The following KIAA0232 variants were observed in gnomAD, a reference collection of about 807,000 sequenced individuals.
The protein encoded by KIAA0232 is KIAA0232, also known as uncharacterized protein KIAA0232.
KIAA0232 carries 27 observed loss-of-function variants against 122.0 expected under a neutral mutation model. The observed-to-expected ratio is 0.22, with a 90% CI of 0.16 to 0.31. The LOEUF is 0.31. Among genes scored for constraint, KIAA0232 ranks in the 10% least tolerant of loss-of-function variants. The probability of loss-of-function intolerance (pLI) is 1.00; values close to 1 mark genes in which losing one functional copy is unlikely to be tolerated. For synonymous variants in KIAA0232, 613 were observed against 587.6 expected (o/e 1.04, Z -0.63); for missense variants, 1,551 against 1,634.2 (o/e 0.95, Z 0.88).
chr4:6,880,365 C>G (rs1056338550), intron 9 of KIAA0232, among the ~76,000 whole-genome samples: 4 of 148,544 alleles, frequency 2.7e-5, no homozygotes, highest in Admixed American at 1.3e-4. Flanking sequence ...CCAACACACC[C>G]GTCTGCAGTG....
At chr4:6,814,757 A>T (rs1718042616) in intron 2 of KIAA0232, among the ~76,000 whole-genome samples, 2 of 152,132 alleles carry the variant, frequency 1.3e-5, no homozygotes. Context: ...AACCTAAGAT[A>T]CTATGATTGC....
At position 6,842,148 on chromosome 4, in the gene KIAA0232, C is replaced by G; in HGVS notation, c.313C>G (p.Leu105Val). 1 of 1,611,410 alleles carries G rather than the reference C, an allele frequency of 6.2e-7. No homozygotes were observed. The highest frequency in any genetic ancestry group is 8.5e-7 in the Non-Finnish European group (1 of 1,179,262). Residue 105 changes from leucine to valine, a missense_variant, in exon 4 of 10, where the codon CTA becomes GTA. Leu to Val is a conservative substitution (Grantham distance 32). Around this residue, in one of 5 missense-constraint regions of KIAA0232, gnomAD observed 377 missense variants for 381.7 expected, o/e 0.99. Coordinates refer to ENST00000307659, the MANE Select transcript of KIAA0232 (RefSeq NM_014743.3). ...TAAGAAAAAATGTTCAGATCTAACT[C>G]TAGAAGAAATGAAAAAACAGGCTGC... ...KSKKKCSDLT[L>V]EEMKKQAAVQ...
chr4:6,830,356 C>G (rs1293218556), intron 3 of KIAA0232, among the ~76,000 whole-genome samples: 4 of 151,258 alleles, frequency 2.6e-5, no homozygotes, highest in African/African-American at 9.7e-5. Flanking sequence ...GATCCAGGGC[C>G]TACAGTAAAA....
In KIAA0232 at chr4:6,862,894, G is replaced by A. The variant is rs1720955985; in HGVS notation, c.2512G>A (p.Val838Met). The A allele has an allele frequency of 6.2e-7, 1 of 1,614,130 alleles. No individual in the cohort carries two copies. Among genetic ancestry groups the A allele is most frequent in the Non-Finnish European group, 8.5e-7 (1 of 1,180,044 alleles). The change falls in exon 7 of 10, where the codon GTG becomes ATG. Residue 838 changes from valine (V) to methionine (M), a missense_variant. This residue lies in a region of KIAA0232 where 1,108 missense variants were observed against 1,154.8 expected (regional missense o/e 0.96). Coordinates refer to ENST00000307659, the MANE Select transcript of KIAA0232 (RefSeq NM_014743.3). ...GACAAAGATGGCAGACACAAATTCT[G>A]TGGCTACAGTAGAAATAGAAAGAAC... ...IWTKMADTNS[V>M]ATVEIERTDA... is the part of the protein sequence containing the mutation.
intron 6 of KIAA0232, 97 bp downstream of exon 6, chr4:6,858,603 G>A (rs751687079): frequency 1.5e-5 from 11 of 726,340 alleles, no homozygotes; most frequent in Non-Finnish European, 2.2e-5. Flanking sequence ...ATCTTGTTTA[G>A]TTTCATTATA....
intron 3 of KIAA0232, among the ~76,000 whole-genome samples, chr4:6,827,118 G>T (rs1470938672): frequency 1.3e-5 from 2 of 152,138 alleles, no homozygotes; most frequent in Non-Finnish European, 2.9e-5. Flanking sequence ...TTTCTACTTG[G>T]TCCAAAGTAA....
intron 3 of KIAA0232, among the ~76,000 whole-genome samples, chr4:6,839,427 G>T (rs1719524195): frequency 6.6e-6 from 1 of 152,176 alleles, no homozygotes; most frequent in African/African-American, 2.4e-5. Flanking sequence ...ATGGAATAGA[G>T]AAGTTTTAAA....
In KIAA0232 at chr4:6,862,016, C is replaced by G; in HGVS notation, c.1634C>G (p.Thr545Arg). The change falls in exon 7 of 10, where the codon ACA becomes AGA. Residue 545 changes from threonine to arginine, a missense_variant. Coordinates refer to ENST00000307659, the MANE Select transcript of KIAA0232 (RefSeq NM_014743.3). Reference sequence around the variant, plus strand: ...ATTCGACAGAAAAGCAAAGAGAACACAGATTTTGAGGCAGAATGTTGCATA... The same window carrying G: ...ATTCGACAGAAAAGCAAAGAGAACAGAGATTTTGAGGCAGAATGTTGCATA... ...NMIRQKSKEN[T>R]DFEAECCIVL... The G allele has an allele frequency of 6.2e-7, 1 of 1,614,164 alleles. No individual in the cohort carries two copies. Among genetic ancestry groups the G allele is most frequent in the Non-Finnish European group, 8.5e-7 (1 of 1,180,034 alleles).
intron 3 of KIAA0232, among the ~76,000 whole-genome samples, chr4:6,835,210 C>G (rs1002420243): frequency 6.6e-6 from 1 of 152,166 alleles, no homozygotes. Flanking sequence ...GGCTGGGTCC[C>G]TCAAAGCGAG....
chr4:6,804,810 A>G (rs1311114752), intron 2 of KIAA0232, among the ~76,000 whole-genome samples: 1 of 152,206 alleles, frequency 6.6e-6, no homozygotes, highest in Non-Finnish European at 1.5e-5. Context: ...TGGATATGAA[A>G]ACCTCAGGTC....
chr4:6,860,763 A>C, intron 6 of KIAA0232, 138 bp from the exon 7 acceptor site: 1 of 779,492 alleles, frequency 1.3e-6, no homozygotes, highest in South Asian at 1.8e-5. Context: ...AAATTATTGT[A>C]AAGTTAATGA....
intron 3 of KIAA0232, among the ~76,000 whole-genome samples, chr4:6,832,000 G>A (rs2109072819): frequency 6.6e-6 from 1 of 152,326 alleles, no homozygotes. Context: ...CTCAATGCCT[G>A]GCACCTCAGC....
intron 1 of KIAA0232, among the ~76,000 whole-genome samples, chr4:6,802,173 G>T (rs1717411991): frequency 6.6e-6 from 1 of 152,226 alleles, no homozygotes; most frequent in South Asian, 2.1e-4. Flanking sequence ...TACCTTGCAT[G>T]CCCAATTATA....
At position 6,871,923 on chromosome 4, in the gene KIAA0232, G is replaced by A. The variant is rs28400430; in HGVS notation, c.3910+241G>A. Among the ~76,000 whole-genome samples the A allele has an allele frequency of 2.4e-3, 358 of 152,294 alleles. 1 individual carries two copies. The highest frequency in any genetic ancestry group is 8.5e-3 in the African/African-American group (353 of 41,542). On this transcript the variant is annotated intron_variant, in intron 8 of 9. Transcript: ENST00000307659. ...TATCCAAGCGTTACTGACCATGGAT[G>A]AGGTGTGTATAAGCCACCACTGAGT...
Position 6,881,006 on chromosome 4 carries a change from G to C in KIAA0232, c.*40G>C. The C allele has an allele frequency of 7.3e-7, 1 of 1,369,016 alleles. No individual in the cohort carries two copies. The highest frequency in any genetic ancestry group is 9.6e-7 in the Non-Finnish European group (1 of 1,046,126). 84.8% of individuals were successfully genotyped at this position (1,369,016 alleles called of 1,614,324 possible). ...ACAAATTATTGTTTAAAAATGATAT[G>C]TGATGGAAAATTACTCTTCAGTGAG... On this transcript the variant is annotated 3_prime_UTR_variant, in exon 10 of 10. Coordinates refer to ENST00000307659, the MANE Select transcript of KIAA0232 (RefSeq NM_014743.3).
At chr4:6,875,761 C>T (rs1304643297) in intron 8 of KIAA0232, among the ~76,000 whole-genome samples, 1 of 152,152 alleles carries the variant, frequency 6.6e-6, no homozygotes, top group Non-Finnish European at 1.5e-5. Flanking sequence ...AATGTCAATG[C>T]CAGAGTCCAA....
chr4:6,791,003 C>G (rs1370568333), intron 1 of KIAA0232, among the ~76,000 whole-genome samples: 1 of 147,192 alleles, frequency 6.8e-6, no homozygotes, highest in Non-Finnish European at 1.5e-5. Context: ...ACTGCAACCT[C>G]CACCTCCCGG....
At chr4:6,825,466 G>C (rs1235209067) in intron 3 of KIAA0232, among the ~76,000 whole-genome samples, 1 of 152,008 alleles carries the variant, frequency 6.6e-6, no homozygotes. Context: ...GAGGTGGGAG[G>C]ATCACTTGAG....
chr4:6,834,654 G>A (rs888873349), intron 3 of KIAA0232, among the ~76,000 whole-genome samples: 2 of 152,070 alleles, frequency 1.3e-5, no homozygotes, highest in Non-Finnish European at 2.9e-5. Context: ...TGACACAATT[G>A]GGTCCCTTGA....
Sources: gnomAD v4.1 joint callset for allele counts (sites outside exome capture counted in the v4.1 genomes callset) on GRCh38, gnomAD v4.1.1 for gene constraint, gnomAD v4.1.1 regional missense constraint, MANE v1.5 for transcripts, NCBI Gene and HGNC (gene_info 2026-07-23, HGNC 2026-07-21) for gene names.